The following FOXD4L1 variants were observed in gnomAD, a reference collection of about 807,000 sequenced individuals.
FOXD4L1 encodes forkhead box D4 like 1, also known as forkhead box protein D4-like 1.
A neutral mutation model predicts 24.8 loss-of-function variants in FOXD4L1; 10 were observed. The ratio of observed to expected loss-of-function variants is 0.40; its 90% CI spans 0.25 to 0.68. FOXD4L1 has a LOEUF of 0.68. Ranked by LOEUF, FOXD4L1 falls within the 30% of genes least tolerant of loss-of-function variation. FOXD4L1 has a pLI of 0.37. For missense variants in FOXD4L1, 364 were observed against 572.4 expected (o/e 0.64, Z 3.72); for synonymous variants, 159 against 256.4 (o/e 0.62, Z 3.63).
exon 1 of FOXD4L1, chr2:113,499,586 C>T: frequency 1.2e-6 from 2 of 1,611,134 alleles, no homozygotes; most frequent in Non-Finnish European, 1.7e-6. Flanking sequence ...AGCCCCCCTA[C>T]TCGTACATCG....
chr2:113,499,988 A>T, exon 1 of FOXD4L1: 3 of 1,573,238 alleles, frequency 1.9e-6, no homozygotes, highest in East Asian at 2.4e-5. Context: ...TGCCGCAGCC[A>T]GTCCCGGGGG....
chr2:113,500,198 G>C, exon 1 of FOXD4L1: 4 of 1,556,756 alleles, frequency 2.6e-6, no homozygotes, highest in Non-Finnish European at 3.5e-6. Flanking sequence ...AGGGTCTGGC[G>C]TCGCCACCGG....
At chr2:113,500,116 C>A in exon 1 of FOXD4L1, 1 of 1,526,370 alleles carries the variant, frequency 6.6e-7, no homozygotes, top group Non-Finnish European at 8.8e-7. Context: ...GCAGAAGGCG[C>A]GGACCTGGCG....
chr2:113,499,577 G>A (rs1682399164), exon 1 of FOXD4L1: 1 of 1,609,974 alleles, frequency 6.2e-7, no homozygotes, highest in East Asian at 2.3e-5. Flanking sequence ...AGCCGGCAAA[G>A]CCCCCCTACT....
chr2:113,499,720 TCCGCCACAA>T (rs1350421698), exon 1 of FOXD4L1: 1 of 1,606,638 alleles, frequency 6.2e-7, no homozygotes, highest in South Asian at 1.1e-5. Flanking sequence ...CAGAACAGCA[TCCGCCACAA>T]CCTCTCGCTG....
chr2:113,499,486 G>A lies in FOXD4L1; in HGVS notation c.230G>A (p.Gly77Asp), dbSNP rs141483731. The A allele has an allele frequency of 3.9e-5, 61 of 1,583,048 alleles. 10 individuals carry two copies. Among genetic ancestry groups the A allele is most frequent in the African/African-American group, 5.5e-5 (4 of 72,542 alleles). Residue 77 changes from glycine (G) to aspartate (D), a missense_variant, in exon 1 of 1, where the codon GGC (glycine) becomes GAC (aspartate). Transcript: ENST00000306507. Reference sequence around the variant, plus strand: ...CTTCCCCGAGAGCACATCGAGGGCGGCGGCCCGAGCGACCCCTCAGAGTTT... The same window carrying A: ...CTTCCCCGAGAGCACATCGAGGGCGACGGCCCGAGCGACCCCTCAGAGTTT...
At position 113,499,246 on chromosome 2, in the gene FOXD4L1, C is replaced by A. The variant is rs372207547; in HGVS notation, c.-11C>A. On this transcript the variant is annotated 5_prime_UTR_variant, in exon 1 of 1. Transcript: ENST00000306507. ...CGCCACATCCCCTGCGACTGAAGCA[C>A]CTGCTCCGCCATGAACCTGCCAAGA... 67 of 1,611,588 alleles carry A rather than the reference C, an allele frequency of 4.2e-5. No homozygotes were observed. The African/African-American group carries it at 7.8e-4, about 19-fold the overall frequency.
exon 1 of FOXD4L1, chr2:113,500,485 C>A (rs1465145357): frequency 1.3e-6 from 2 of 1,517,392 alleles, no homozygotes; most frequent in African/African-American, 2.8e-5. Context: ...GGGCTCTAGG[C>A]TGACATCGCT....
chr2:113,499,018 G>T lies in FOXD4L1; in HGVS notation c.-239G>T, dbSNP rs1419522485. On this transcript the variant is annotated 5_prime_UTR_variant, in exon 1 of 1. It introduces an in-frame stop codon into an upstream open reading frame of the 5' UTR. Coordinates refer to ENST00000306507, the Ensembl canonical transcript of FOXD4L1. ...GTGGCACCGCTCCGAGGTAGGGGAA[G>T]AAGGGTTATAAAGGGGGGAGTCCAC... The T allele has an allele frequency of 9.0e-6, 6 of 663,020 alleles. No individual in the cohort carries two copies. The East Asian group carries it at 1.1e-4, about 13-fold the overall frequency. 41.1% of individuals were successfully genotyped at this position (663,020 alleles called of 1,614,324 possible).
exon 1 of FOXD4L1, chr2:113,500,661 G>A: frequency 7.2e-7 from 1 of 1,396,974 alleles, no homozygotes; most frequent in Non-Finnish European, 9.5e-7. Context: ...GTGTGCATCT[G>A]AATCCTGCTG....
At chr2:113,500,291 C>G (rs1682418989) in exon 1 of FOXD4L1, 1 of 1,539,842 alleles carries the variant, frequency 6.5e-7, no homozygotes. Flanking sequence ...AGAGTTTGTC[C>G]CCGACCGCGT....
At chr2:113,500,957 G>C (rs1327391257) in exon 1 of FOXD4L1, 1 of 245,278 alleles carries the variant, frequency 4.1e-6, no homozygotes, top group African/African-American at 2.3e-5. Context: ...GGAACTGGAA[G>C]TGTTATTCCT....
At position 113,499,396 on chromosome 2, in the gene FOXD4L1, G is replaced by A. The variant is rs546409146; in HGVS notation, c.140G>A (p.Ser47Asn). 71 of 1,609,460 alleles carry A rather than the reference G, an allele frequency of 4.4e-5. No individual in the cohort carries two copies. The South Asian group carries it at 6.8e-4, about 15-fold the overall frequency. Reference sequence around the variant, plus strand: ...GTGGAAGACGAGGAGGAGGAGGCGAGCCAGAAGTTCCTAGAGCAGTCGCTC... The same window carrying A: ...GTGGAAGACGAGGAGGAGGAGGCGAACCAGAAGTTCCTAGAGCAGTCGCTC... The change falls in exon 1 of 1, where the codon AGC becomes AAC. Residue 47 changes from serine (S) to asparagine (N), a missense_variant. Ser to Asn is a conservative substitution (Grantham distance 46, BLOSUM62 1). Transcript: ENST00000306507.
chr2:113,499,493 G>T, exon 1 of FOXD4L1: 1 of 1,580,334 alleles, frequency 6.3e-7, no homozygotes, highest in Non-Finnish European at 8.6e-7. Flanking sequence ...GCGGCGGCCC[G>T]AGCGACCCCT....
exon 1 of FOXD4L1, chr2:113,500,434 T>C (rs1464786229): frequency 6.6e-7 from 1 of 1,518,502 alleles, no homozygotes; most frequent in Non-Finnish European, 8.9e-7. Context: ...CGGGCACCTG[T>C]CGGCCGCGTC....
chr2:113,500,124 G>GCGA, exon 1 of FOXD4L1: 1 of 1,517,986 alleles, frequency 6.6e-7, no homozygotes, highest in South Asian at 1.2e-5. Flanking sequence ...CGCGGACCTG[G>GCGA]CGACCCCCGG....
chr2:113,500,282 G>A, exon 1 of FOXD4L1: 1 of 1,545,160 alleles, frequency 6.5e-7, no homozygotes, highest in Non-Finnish European at 8.7e-7. Context: ...GGGCTGCGCA[G>A]AGTTTGTCCC....
Position 113,500,770 on chromosome 2 carries a change from G to T in FOXD4L1, c.*287G>T, listed in dbSNP as rs984893528. 3.6e-5 allele frequency: 27 copies of T among 745,168 alleles called. 3 individuals are homozygous for T. Among genetic ancestry groups the T allele is most frequent in the Admixed American group, 7.6e-5 (2 of 26,174 alleles). 46.2% of individuals were successfully genotyped at this position (745,168 alleles called of 1,614,324 possible). The stretch of plus-strand genomic sequence containing the variant: ...CACCTGAACGTAACCTTCGCAGGGC[G>T]TCAAGTCATCTTTTCTTGCCTTCGG... On this transcript the variant is annotated 3_prime_UTR_variant, in exon 1 of 1. Transcript: ENST00000306507.
chr2:113,500,279 G>T (rs748950977), exon 1 of FOXD4L1: 1 of 1,545,880 alleles, frequency 6.5e-7, no homozygotes, highest in African/African-American at 1.4e-5. Context: ...CAGGGGCTGC[G>T]CAGAGTTTGT....
Sources: allele counts gnomAD v4.1 joint callset, GRCh38; gene constraint gnomAD v4.1.1; transcripts MANE v1.5; gene names NCBI Gene and HGNC (gene_info 2026-07-23, HGNC 2026-07-21).